Variants in CNTLN observed in about 807,000 individuals in gnomAD.
CNTLN encodes centlein.
CNTLN carries 212 observed loss-of-function variants against 180.0 expected under a neutral mutation model. The observed-to-expected ratio is 1.18, with a 90% CI of 1.05 to 1.32. CNTLN has a LOEUF of 1.32. Ranked by LOEUF, CNTLN falls within the 40% of genes most tolerant of loss-of-function variation. The pLI, the probability that CNTLN is intolerant of heterozygous loss-of-function variation, is 0.00. For synonymous variants in CNTLN, 722 were observed against 563.1 expected, an observed-to-expected ratio of 1.28 and a Z score of -3.99; for missense variants, 2,095 against 1,610.9, an observed-to-expected ratio of 1.30 and a Z score of -5.14.
intron 12 of CNTLN, among the ~76,000 whole-genome samples, chr9:17,342,716 T>G (rs1281461992): frequency 1.3e-5 from 2 of 152,172 alleles, no homozygotes. Context: ...GTGTCGCTCT[T>G]CATTAGCCTG....
rs530060277 is a variant in CNTLN at position 17,501,306 on chromosome 9, A to C, written c.4120-1245A>C. ...AAGGAGAAGGCAGATTACTGTAAACATAAGAAGGGACTTAAACTAGAATGC... is the reference window on the plus strand; with the variant it reads ...AAGGAGAAGGCAGATTACTGTAAACCTAAGAAGGGACTTAAACTAGAATGC... On this transcript the variant is annotated intron_variant, in intron 25 of 25. Transcript: ENST00000380647. Among the ~76,000 whole-genome samples, 10 of 152,344 alleles carry C rather than the reference A, an allele frequency of 6.6e-5. No homozygotes were observed. In the East Asian group the frequency reaches 1.7e-3, roughly 26 times the overall value.
chr9:17,421,393 T>A lies in CNTLN; in HGVS notation c.3114+5204T>A, dbSNP rs145806104. On this transcript the variant is annotated intron_variant, in intron 18 of 25. Transcript: ENST00000380647. ...TATGATATAAGTATAGCTAGTCATGTTCTTTTTTGGTTTCCACTTCATGGA... is the reference window on the plus strand; with the variant it reads ...TATGATATAAGTATAGCTAGTCATGATCTTTTTTGGTTTCCACTTCATGGA... 8.8e-3 allele frequency among the ~76,000 whole-genome samples: 1,346 copies of A among 152,172 alleles called. 8 individuals carry two copies. Among genetic ancestry groups the A allele is most frequent in the Non-Finnish European group, 0.014 (950 of 67,944 alleles).
chr9:17,370,223 C>T (rs1824196182), intron 13 of CNTLN, among the ~76,000 whole-genome samples: 1 of 152,086 alleles, frequency 6.6e-6, no homozygotes, highest in Non-Finnish European at 1.5e-5. Context: ...GAACACCAAG[C>T]AGGTTTAACC....
At chr9:17,294,735 G>A (rs1268934539) in intron 6 of CNTLN, among the ~76,000 whole-genome samples, 3 of 130,914 alleles carry the variant, frequency 2.3e-5, no homozygotes, top group East Asian at 2.4e-4. Flanking sequence ...GGCAGAGCTC[G>A]TCGGGGAGGC....
chr9:17,244,310 C>T (rs1282747746), intron 5 of CNTLN, among the ~76,000 whole-genome samples: 1 of 151,912 alleles, frequency 6.6e-6, no homozygotes, highest in Non-Finnish European at 1.5e-5. Flanking sequence ...CTCCTAGGCT[C>T]AAGCAATCCT....
At chr9:17,135,518 C>T in intron 1 of CNTLN, 93 bp downstream of exon 1, 2 of 1,426,986 alleles carry the variant, frequency 1.4e-6, no homozygotes, top group Non-Finnish European at 1.9e-6. Flanking sequence ...TTGGGACCTA[C>T]CCCGCCCAGC....
chr9:17,305,367 G>T (rs1386219182), intron 7 of CNTLN, among the ~76,000 whole-genome samples: 1 of 152,054 alleles, frequency 6.6e-6, no homozygotes, highest in East Asian at 1.9e-4. Context: ...GAGCTTTTTG[G>T]ATTATTAGAG....
chr9:17,326,249 A>G (rs1177260001), intron 8 of CNTLN, among the ~76,000 whole-genome samples: 1 of 152,094 alleles, frequency 6.6e-6, no homozygotes. Flanking sequence ...GCACTATACC[A>G]TTGTATTTCA....
At chr9:17,475,572 A>G (rs1832286069) in intron 23 of CNTLN, among the ~76,000 whole-genome samples, 1 of 151,934 alleles carries the variant, frequency 6.6e-6, no homozygotes, top group Admixed American at 6.6e-5. Flanking sequence ...TAAGAAAAAT[A>G]GTAAATAAAG....
chr9:17,152,485 A>T (rs1407634009), intron 2 of CNTLN, among the ~76,000 whole-genome samples: 1 of 152,134 alleles, frequency 6.6e-6, no homozygotes, highest in Non-Finnish European at 1.5e-5. Flanking sequence ...TGAGTTTCTT[A>T]ATCCTGAGTT....
At chr9:17,452,391 T>C (rs1170879809) in intron 18 of CNTLN, among the ~76,000 whole-genome samples, 2 of 152,196 alleles carry the variant, frequency 1.3e-5, no homozygotes, top group Non-Finnish European at 2.9e-5. Flanking sequence ...AGAGTGGTCA[T>C]AGATCTAAGC....
At chr9:17,440,575 C>T (rs184127866) in intron 18 of CNTLN, among the ~76,000 whole-genome samples, 52 of 124,764 alleles carry the variant, frequency 4.2e-4, no homozygotes, top group Admixed American at 2.0e-3. Context: ...GGCGACGGAG[C>T]GAGACTCCGT....
intron 2 of CNTLN, among the ~76,000 whole-genome samples, chr9:17,176,540 T>G (rs1341020015): frequency 6.6e-6 from 1 of 152,224 alleles, no homozygotes. Flanking sequence ...GATATTGGTG[T>G]ATAGCTTTCT....
At chr9:17,502,406 A>G (rs967745822) in intron 25 of CNTLN, 145 bp from the exon 26 acceptor site, 5 of 440,334 alleles carry the variant, frequency 1.1e-5, no homozygotes, top group Admixed American at 4.7e-5. Context: ...AACCAGCAAG[A>G]TCAGTAGAAA....
intron 5 of CNTLN, among the ~76,000 whole-genome samples, chr9:17,261,037 C>G (rs572629631): frequency 1.1e-4 from 16 of 151,338 alleles, no homozygotes; most frequent in African/African-American, 2.0e-4. Context: ...GTCTCTGTGT[C>G]TGTTTTTGTA....
chr9:17,178,397 C>G (rs191535782), intron 2 of CNTLN, among the ~76,000 whole-genome samples: 2 of 152,220 alleles, frequency 1.3e-5, no homozygotes, highest in Admixed American at 6.5e-5. Context: ...CTGCTAGTCC[C>G]GTGCCCTGTG....
intron 18 of CNTLN, among the ~76,000 whole-genome samples, chr9:17,453,748 C>A (rs949894947): frequency 6.6e-6 from 1 of 152,164 alleles, no homozygotes; most frequent in African/African-American, 2.4e-5. Flanking sequence ...GGCTTGCTGG[C>A]TAAGAGCCAA....
intron 5 of CNTLN, among the ~76,000 whole-genome samples, chr9:17,241,020 G>A (rs962781678): frequency 3.3e-5 from 5 of 152,096 alleles, no homozygotes; most frequent in Admixed American, 2.0e-4. Context: ...CACCACACCC[G>A]GCTAATTTTT....
chr9:17,149,084 T>G (rs1005236605), intron 2 of CNTLN, among the ~76,000 whole-genome samples: 1 of 152,192 alleles, frequency 6.6e-6, no homozygotes, highest in African/African-American at 2.4e-5. Flanking sequence ...TTTCTGATCT[T>G]GTGATAGTTT....
Sources: allele counts gnomAD v4.1 joint callset (sites outside exome capture counted in the v4.1 genomes callset), GRCh38; gene constraint gnomAD v4.1.1; transcripts MANE v1.5; gene names NCBI Gene and HGNC (gene_info 2026-07-23, HGNC 2026-07-21).